The following PSD3 variants were observed in gnomAD, a reference collection of about 807,000 sequenced individuals.
The protein encoded by PSD3 is pleckstrin and Sec7 domain containing 3.
A neutral mutation model predicts 105.5 loss-of-function variants in PSD3; 49 were observed. The ratio of observed to expected loss-of-function variants is 0.46; its 90% confidence interval spans 0.37 to 0.59. The LOEUF (loss-of-function observed/expected upper bound fraction) is 0.59, where lower values mean the gene tolerates loss of function less well. Ranked by LOEUF, PSD3 falls within the 20% of genes least tolerant of loss-of-function variation. The pLI, the probability that PSD3 is intolerant of heterozygous loss-of-function variation, is 0.00. For missense variants in PSD3, 1,561 were observed against 1,263.8 expected (o/e 1.24, Z -3.57); for synonymous variants, 557 against 457.8 (o/e 1.22, Z -2.77).
chr8:18,793,372 G>GAAAAAAAAAAAAA (rs112335496), intron 8 of PSD3, among the ~76,000 whole-genome samples: 2 of 125,430 alleles, frequency 1.6e-5, no homozygotes, highest in Non-Finnish European at 3.2e-5. Flanking sequence ...TATCAAAATA[G>GAAAAAAAAAAAAA]AAAAAAAAAA....
Position 19,058,472 on chromosome 8 carries a change from A to G in PSD3, c.324+25734T>C, listed in dbSNP as rs1184347679. On this transcript the variant is annotated intron_variant, in intron 1 of 1. Transcript: ENST00000521475. Reference sequence around the variant, plus strand: ...TATAATATATAATAGCATATACAATATAAGTATATAAAATTTATATATAAT... The same window carrying G: ...TATAATATATAATAGCATATACAATGTAAGTATATAAAATTTATATATAAT... 2.0e-5 allele frequency among the ~76,000 whole-genome samples: 3 copies of G among 148,432 alleles called. No homozygotes were observed. In the East Asian group the frequency reaches 5.8e-4, roughly 29 times the overall value.
At chr8:18,775,062 A>G in intron 8 of PSD3, 1 of 418,384 alleles carries the variant, frequency 2.4e-6, no homozygotes, top group Admixed American at 2.7e-5. Context: ...CTCTACCTTC[A>G]TGAAATCTAC....
intron 1 of PSD3, among the ~76,000 whole-genome samples, chr8:18,967,238 C>G (rs4921620): frequency 0.3 from 45,971 of 151,550 alleles, 7,429 homozygotes; most frequent in Middle Eastern, 0.52. Flanking sequence ...TCACGGCAAC[C>G]CCTGCCTCCC....
At chr8:18,595,624 G>A (rs935354377) in intron 12 of PSD3, among the ~76,000 whole-genome samples, 5 of 151,562 alleles carry the variant, frequency 3.3e-5, no homozygotes, top group Admixed American at 2.6e-4. Flanking sequence ...AGAGCAGAGG[G>A]GTAGCCATAC....
chr8:18,892,175 T>TCTCACACACA (rs141172188), intron 2 of PSD3, among the ~76,000 whole-genome samples: 1 of 149,864 alleles, frequency 6.7e-6, no homozygotes, highest in African/African-American at 2.5e-5. Context: ...TTACTTACAA[T>TCTCACACACA]CACACACACA....
chr8:18,536,241 G>A (rs1321781078), intron 15 of PSD3, among the ~76,000 whole-genome samples: 2 of 152,224 alleles, frequency 1.3e-5, no homozygotes, highest in African/African-American at 4.8e-5. Flanking sequence ...GGAACACCAT[G>A]AATCTAGAAC....
At chr8:18,972,413 T>C (rs11783114) in intron 1 of PSD3, among the ~76,000 whole-genome samples, 30,054 of 152,212 alleles carry the variant, frequency 0.2, 3,515 homozygotes, top group Non-Finnish European at 0.26. Context: ...GCAGCAGTTA[T>C]CACAGGGTCA....
chr8:18,592,755 AC>A (rs1471372212), intron 12 of PSD3, among the ~76,000 whole-genome samples: 2 of 152,122 alleles, frequency 1.3e-5, no homozygotes, highest in Non-Finnish European at 2.9e-5. Context: ...CAGCAAAACT[AC>A]CCTTTAAAAA....
In PSD3 at chr8:18,816,694, G is replaced by GAA. The variant is rs1269568748; in HGVS notation, c.1635-11798_1635-11797dup. Reference sequence around the variant, plus strand: ...GACTTTTACCTTCTAATAAGAGAGAGAAACAATAAAATACATGAAGAGTTT... The same window carrying GAA: ...GACTTTTACCTTCTAATAAGAGAGAGAAAAACAATAAAATACATGAAGAGTTT... On this transcript the variant is annotated intron_variant, in intron 4 of 15. Coordinates refer to ENST00000327040, the MANE Select transcript of PSD3 (RefSeq NM_015310.4). Among the ~76,000 whole-genome samples the GAA allele has an allele frequency of 3.9e-5, 6 of 152,274 alleles. No individual in the cohort carries two copies. The East Asian group carries it at 1.2e-3, about 29-fold the overall frequency.
intron 4 of PSD3, among the ~76,000 whole-genome samples, chr8:18,863,247 A>C (rs140998745): frequency 4.4e-4 from 67 of 152,366 alleles, no homozygotes; most frequent in Admixed American, 3.2e-3. Context: ...TGCCTTAAGA[A>C]CTTACTGATT....
At chr8:18,629,411 C>A (rs1343552634) in intron 11 of PSD3, among the ~76,000 whole-genome samples, 1 of 151,914 alleles carries the variant, frequency 6.6e-6, no homozygotes, top group Non-Finnish European at 1.5e-5. Flanking sequence ...TGTGAATGTC[C>A]ATAGGGGCTT....
In PSD3 at chr8:18,799,331, A is replaced by T; in HGVS notation, c.2046T>A (p.Cys682Ter). 6.2e-7 allele frequency: 1 copy of T among 1,609,334 alleles called. No homozygotes were observed. The highest frequency in any genetic ancestry group is 8.5e-7 in the Non-Finnish European group (1 of 1,176,050). The change falls in exon 8 of 16, where the codon TGT becomes TGA. Residue 682 changes from cysteine (C) to a stop codon, truncating the protein, a stop_gained. Transcript: ENST00000327040. LOFTEE classifies it high-confidence loss of function. ...ASQDGVHCLT[C>*]AIMLLNTDLH... ...GATCGGTATTAAGAAGCATTATTGCACAGGTAAGGCAATGGACTCCATCTA... is the reference window on the plus strand; with the variant it reads ...GATCGGTATTAAGAAGCATTATTGCTCAGGTAAGGCAATGGACTCCATCTA...
At chr8:18,775,411 A>G (rs1289514682) in intron 8 of PSD3, among the ~76,000 whole-genome samples, 1 of 152,174 alleles carries the variant, frequency 6.6e-6, no homozygotes, top group African/African-American at 2.4e-5. Flanking sequence ...TGGTAGTTCT[A>G]TAGTTTTTCA....
intron 4 of PSD3, among the ~76,000 whole-genome samples, chr8:18,838,828 A>C (rs936997699): frequency 6.8e-6 from 1 of 147,096 alleles, no homozygotes; most frequent in Non-Finnish European, 1.5e-5. Flanking sequence ...AATAATAATA[A>C]TAATAATAAT....
At chr8:18,942,228 G>A (rs1312821648) in intron 1 of PSD3, among the ~76,000 whole-genome samples, 1 of 151,762 alleles carries the variant, frequency 6.6e-6, no homozygotes, top group Admixed American at 6.6e-5. Flanking sequence ...GTCAGCCAGT[G>A]AGTATTATAA....
chr8:18,765,755 C>T (rs1361654533), intron 8 of PSD3, among the ~76,000 whole-genome samples: 2 of 151,926 alleles, frequency 1.3e-5, no homozygotes, highest in Non-Finnish European at 1.5e-5. Flanking sequence ...CTATGTTTAG[C>T]AGAAAGCCCG....
At chr8:18,830,799 G>A (rs1813623417) in intron 4 of PSD3, among the ~76,000 whole-genome samples, 1 of 152,164 alleles carries the variant, frequency 6.6e-6, no homozygotes, top group South Asian at 2.1e-4. Flanking sequence ...CCGTTTCAGG[G>A]TTCTCTAATC....
chr8:18,568,954 GTGTTTGGTTTTT>G (rs896821937), intron 14 of PSD3, among the ~76,000 whole-genome samples: 3 of 148,506 alleles, frequency 2.0e-5, no homozygotes, highest in African/African-American at 7.4e-5. Context: ...AGAATATGTG[GTGTTTGGTTTTT>G]TGTTCTTGCG....
intron 1 of PSD3, among the ~76,000 whole-genome samples, chr8:19,078,178 G>A (rs1829520472): frequency 6.6e-6 from 1 of 152,044 alleles, no homozygotes; most frequent in African/African-American, 2.4e-5. Flanking sequence ...TTACAGGCAT[G>A]AGTCACCGAG....
Sources: gnomAD v4.1 joint callset for allele counts (sites outside exome capture counted in the v4.1 genomes callset) on GRCh38, gnomAD v4.1.1 for gene constraint, MANE v1.5 for transcripts, NCBI Gene and HGNC (gene_info 2026-07-23, HGNC 2026-07-21) for gene names.